REL: variants seen among roughly 807,000 people sequenced by gnomAD.
REL encodes proto-oncogene c-Rel.
REL carries 15 observed loss-of-function variants against 45.9 expected under a neutral mutation model. The observed-to-expected ratio is 0.33, with a 90% CI of 0.22 to 0.50. The LOEUF is 0.50. Ranked by LOEUF, REL falls within the 20% of genes least tolerant of loss-of-function variation. The pLI, the probability that REL is intolerant of heterozygous loss-of-function variation, is 0.98. For synonymous variants in REL, 239 were observed against 242.1 expected, an observed-to-expected ratio of 0.99 and a Z score of 0.12; for missense variants, 601 against 715.2, an observed-to-expected ratio of 0.84 and a Z score of 1.82.
At chr2:60,885,433 A>C (rs1673048638) in intron 1 of REL, among the ~76,000 whole-genome samples, 2 of 152,160 alleles carry the variant, frequency 1.3e-5, no homozygotes, top group Admixed American at 6.6e-5. Flanking sequence ...GAGTTTTTTC[A>C]AGACTTACCT....
In REL at chr2:60,917,001, C is replaced by A; in HGVS notation, c.519C>A (p.Asn173Lys). Residue 173 changes from asparagine (N) to lysine (K), a missense_variant, in exon 5 of 10, where the codon AAC becomes AAA. Transcript: ENST00000394479. ...CTGCTCTTCCTCCTGTTGTCTCGAA[C>A]CCAATTTATGACAACCGTAAGTACT... ...LTTALPPVVS[N>K]PIYDNRAPNT... The A allele has an allele frequency of 6.2e-7, 1 of 1,612,676 alleles. No individual in the cohort carries two copies.
intron 9 of REL, among the ~76,000 whole-genome samples, chr2:60,921,550 T>C (rs1032434246): frequency 1.3e-5 from 2 of 152,220 alleles, no homozygotes; most frequent in Admixed American, 6.5e-5. Flanking sequence ...TCATTTTACC[T>C]GTATTTGTAA....
Position 60,926,542 on chromosome 2 carries a change from TC to T in REL, c.*4010del, listed in dbSNP as rs1674272040. The T allele has an allele frequency of 8.6e-6, 2 of 231,988 alleles. No individual in the cohort carries two copies. The highest frequency in any genetic ancestry group is 1.7e-5 in the Non-Finnish European group (2 of 117,194). 14.4% of individuals were successfully genotyped at this position (231,988 alleles called of 1,614,324 possible). A position where few individuals can be genotyped will look rare whatever the true frequency, so the allele number is the denominator to read the frequency against. On this transcript the variant is annotated 3_prime_UTR_variant, in exon 10 of 10. Transcript: ENST00000394479. Reference sequence around the variant, plus strand: ...TCAAGATTCCTCCCTGAGATTTATTTCCCATGAGTCTTGACCCCTCCCCTCA... The same window carrying T: ...TCAAGATTCCTCCCTGAGATTTATTTCCATGAGTCTTGACCCCTCCCCTCA...
rs1674178993 is a variant in REL at position 60,922,765 on chromosome 2, C to T, written c.*230C>T. On this transcript the variant is annotated 3_prime_UTR_variant, in exon 10 of 10. Coordinates refer to ENST00000394479, the MANE Select transcript of REL (RefSeq NM_001291746.2). ...TGTCATAAAAAGACAACTCAGAGGC[C>T]AGGCGCAGGGGCTCACACCTGTAAT... 1 of 1,119,728 alleles carries T rather than the reference C, an allele frequency of 8.9e-7. No individual in the cohort carries two copies. Among genetic ancestry groups the T allele is most frequent in the African/African-American group, 1.6e-5 (1 of 61,126 alleles). 69.4% of individuals were successfully genotyped at this position (1,119,728 alleles called of 1,614,324 possible).
intron 3 of REL, among the ~76,000 whole-genome samples, chr2:60,898,505 C>T (rs1186358801): frequency 6.6e-6 from 1 of 152,196 alleles, no homozygotes; most frequent in East Asian, 1.9e-4. Flanking sequence ...CCAGCATAGG[C>T]TCCCATAACA....
chr2:60,921,126 G>C (rs1487070291), intron 9 of REL, among the ~76,000 whole-genome samples: 1 of 146,896 alleles, frequency 6.8e-6, no homozygotes, highest in Non-Finnish European at 1.5e-5. Flanking sequence ...CCCTAGTTTA[G>C]GTAATTCAAC....
intron 3 of REL, among the ~76,000 whole-genome samples, chr2:60,898,274 T>C (rs1485909622): frequency 1.3e-5 from 2 of 152,266 alleles, no homozygotes; most frequent in East Asian, 3.8e-4. Flanking sequence ...AACATTTTAA[T>C]GGGTTTATTT....
At chr2:60,908,741 G>A (rs1393814540) in intron 4 of REL, among the ~76,000 whole-genome samples, 2 of 152,136 alleles carry the variant, frequency 1.3e-5, no homozygotes, top group African/African-American at 4.8e-5. Flanking sequence ...AATTGATTTT[G>A]ACAATAAAGA....
chr2:60,913,746 T>G (rs898692976), intron 4 of REL, among the ~76,000 whole-genome samples: 10 of 152,210 alleles, frequency 6.6e-5, no homozygotes, highest in African/African-American at 2.4e-4. Context: ...GTCGCATGGT[T>G]TTTCATGACC....
chr2:60,910,894 T>C (rs199542199), intron 4 of REL, among the ~76,000 whole-genome samples: 2 of 152,154 alleles, frequency 1.3e-5, no homozygotes, highest in Non-Finnish European at 2.9e-5. Flanking sequence ...ATCACAACAC[T>C]GCACTCTAAC....
intron 1 of REL, among the ~76,000 whole-genome samples, chr2:60,884,992 G>A (rs1558783526): frequency 6.6e-6 from 1 of 152,086 alleles, no homozygotes; most frequent in Non-Finnish European, 1.5e-5. Context: ...GAGCATGAAT[G>A]TTTCAGAAAT....
chr2:60,911,604 G>C (rs185432173), intron 4 of REL, among the ~76,000 whole-genome samples: 3 of 152,264 alleles, frequency 2.0e-5, no homozygotes, highest in Admixed American at 2.0e-4. Flanking sequence ...GAAATGATAA[G>C]ATTTCTTTAG....
chr2:60,913,482 C>G (rs1673875587), intron 4 of REL, among the ~76,000 whole-genome samples: 1 of 152,134 alleles, frequency 6.6e-6, no homozygotes, highest in South Asian at 2.1e-4. Context: ...GGGCTTTCAT[C>G]CCTGAAATCT....
intron 2 of REL, 44 bp downstream of exon 2, chr2:60,891,869 C>A: frequency 6.6e-7 from 1 of 1,522,676 alleles, no homozygotes; most frequent in Admixed American, 2.0e-5. Flanking sequence ...TTAGTTGCTT[C>A]ATATACTAGC....
intron 1 of REL, among the ~76,000 whole-genome samples, chr2:60,883,626 A>T (rs1673002231): frequency 6.6e-6 from 1 of 152,168 alleles, no homozygotes; most frequent in Non-Finnish European, 1.5e-5. Context: ...ATATTGCATG[A>T]ATTTAATACT....
chr2:60,897,734 G>A (rs779259032), intron 3 of REL, among the ~76,000 whole-genome samples: 2 of 151,908 alleles, frequency 1.3e-5, no homozygotes, highest in Non-Finnish European at 2.9e-5. Flanking sequence ...TGTCTCAAAA[G>A]TACCTTAAGT....
chr2:60,923,411 CCATT>C lies in REL; in HGVS notation c.*878_*881del, dbSNP rs1674197453. 1 of 231,658 alleles carries C rather than the reference CCATT, an allele frequency of 4.3e-6. No individual in the cohort carries two copies. 14.4% of individuals were successfully genotyped at this position (231,658 alleles called of 1,614,324 possible). ...TTTAAGGGGAAGAAGTTTCCTTGGA[CCATT>C]CGCCTTTCTTAGATGTCCTCACTCC... is the stretch of plus-strand genomic sequence containing the variant. On this transcript the variant is annotated 3_prime_UTR_variant, in exon 10 of 10. Transcript: ENST00000394479.
intron 1 of REL, among the ~76,000 whole-genome samples, chr2:60,885,987 A>G (rs1378098469): frequency 3.3e-5 from 5 of 152,250 alleles, no homozygotes; most frequent in Non-Finnish European, 5.9e-5. Context: ...GGAGATAAAC[A>G]CAAGTTCAAG....
chr2:60,917,074 A>T, intron 5 of REL, 57 bp downstream of exon 5: 1 of 1,414,738 alleles, frequency 7.1e-7, no homozygotes, highest in Non-Finnish European at 9.7e-7. Flanking sequence ...TAATAGTTTA[A>T]TTCTTAAAAT....
Sources: allele counts gnomAD v4.1 joint callset (sites outside exome capture counted in the v4.1 genomes callset), GRCh38; gene constraint gnomAD v4.1.1; transcripts MANE v1.5; gene names NCBI Gene and HGNC (gene_info 2026-07-23, HGNC 2026-07-21).